The following MYO16 variants were observed in gnomAD, a reference collection of about 807,000 sequenced individuals.
MYO16 encodes unconventional myosin-XVI.
In MYO16, 94 loss-of-function variants were observed where a neutral mutation model predicts 205.3. The observed-to-expected ratio is 0.46, with a 90% CI of 0.39 to 0.54. The LOEUF (loss-of-function observed/expected upper bound fraction) is 0.54, where lower values mean the gene tolerates loss of function less well. Among genes scored for constraint, MYO16 ranks in the 20% least tolerant of loss-of-function variants. The pLI is 0.00. For synonymous variants in MYO16, 988 were observed against 954.0 expected (o/e 1.04, Z -0.66); for missense variants, 2,315 against 2,387.5 (o/e 0.97, Z 0.63).
chr13:109,022,638 T>TTATATATAC (rs1566466557), intron 23 of MYO16, among the ~76,000 whole-genome samples: 1 of 127,608 alleles, frequency 7.8e-6, no homozygotes, highest in African/African-American at 3.0e-5. Flanking sequence ...ATTATATATA[T>TTATATATAC]GCATATAAAC....
chr13:108,592,966 A>G (rs1007998987), upstream of MYO16, among the ~76,000 whole-genome samples: 4 of 152,136 alleles, frequency 2.6e-5, no homozygotes, highest in African/African-American at 9.7e-5. Flanking sequence ...CTTCCTTCCA[A>G]ATAAAATTCC....
chr13:108,890,970 A>C (rs1880142365), intron 14 of MYO16, among the ~76,000 whole-genome samples: 1 of 152,132 alleles, frequency 6.6e-6, no homozygotes, highest in African/African-American at 2.4e-5. Flanking sequence ...TCACTCCACA[A>C]GCATCTATTA....
At chr13:108,772,552 A>G (rs1466201391) in intron 4 of MYO16, among the ~76,000 whole-genome samples, 2 of 152,128 alleles carry the variant, frequency 1.3e-5, no homozygotes, top group Non-Finnish European at 2.9e-5. Flanking sequence ...AAAGGACCTC[A>G]AATGCAATGG....
chr13:109,140,463 G>T lies in MYO16; in HGVS notation c.4251G>T (p.Ala1417=). Residue 1417 remains alanine (A), a synonymous_variant, in exon 32 of 35, where the codon GCG becomes GCT. Transcript: ENST00000457511. The surrounding 1 kb of genome is among the most constrained non-coding windows in gnomAD (Gnocchi z 8.0). ...TGACCCCCGGGACTCCGCAGTGCGC[G>T]CTGCCCCCGGCGGCGCCTCCGGGTG... ...RVLTPGTPQC[A]LPPAAPPGDE... 1.6e-5 allele frequency: 25 copies of T among 1,536,622 alleles called. No individual in the cohort carries two copies. The highest frequency in any genetic ancestry group is 2.8e-5 in the African/African-American group (2 of 70,802).
intron 16 of MYO16, among the ~76,000 whole-genome samples, chr13:108,954,975 G>A (rs568634126): frequency 2.0e-5 from 3 of 152,232 alleles, no homozygotes; most frequent in Non-Finnish European, 1.5e-5. Context: ...GGCATCCTGC[G>A]GCATCAGCTG....
At chr13:109,014,843 T>A (rs976645636) in intron 22 of MYO16, among the ~76,000 whole-genome samples, 1 of 152,248 alleles carries the variant, frequency 6.6e-6, no homozygotes, top group Non-Finnish European at 1.5e-5. Flanking sequence ...AAATTGCTTA[T>A]CAGCTTAAGG....
chr13:108,636,184 G>A (rs530726754), intron 1 of MYO16, among the ~76,000 whole-genome samples: 8 of 152,000 alleles, frequency 5.3e-5, no homozygotes, highest in Admixed American at 3.9e-4. Flanking sequence ...TTAGTTTAAG[G>A]TTACACTGTA....
chr13:109,025,681 A>G (rs1003221770), intron 23 of MYO16, among the ~76,000 whole-genome samples: 1 of 152,218 alleles, frequency 6.6e-6, no homozygotes, highest in African/African-American at 2.4e-5. Flanking sequence ...GGCTATTAAA[A>G]TTAAGAATCT....
chr13:108,583,424 C>T, the MYO16 span, among the ~76,000 whole-genome samples: 2 of 152,116 alleles, frequency 1.3e-5, no homozygotes, highest in African/African-American at 4.8e-5. Context: ...TTCCCTCATA[C>T]GTGATTCTAA....
intron 33 of MYO16, among the ~76,000 whole-genome samples, chr13:109,172,984 G>C (rs565478275): frequency 1.3e-5 from 2 of 152,300 alleles, no homozygotes; most frequent in South Asian, 4.1e-4. Context: ...GGTATTCAGG[G>C]CAAAGACAGA....
At chr13:108,545,865 C>T in the MYO16 span, among the ~76,000 whole-genome samples, 1 of 152,134 alleles carries the variant, frequency 6.6e-6, no homozygotes, top group Admixed American at 6.5e-5. Context: ...TTACTGTGTG[C>T]TTGGACAACC....
rs750982673 is a variant in MYO16 at position 109,140,422 on chromosome 13, G to T, written c.4210G>T (p.Ala1404Ser). The T allele has an allele frequency of 2.6e-6, 4 of 1,567,740 alleles. No individual in the cohort carries two copies. The Admixed American group carries it at 5.5e-5, about 22-fold the overall frequency. ...GDARPAGAPG[A>S]AARVLTPGTP... ...CGCGAGGCCCGCGGGCGCCCCGGGG[G>T]CAGCAGCGCGCGTTCTGACCCCCGG... The change falls in exon 32 of 35, where the codon GCA becomes TCA. Residue 1404 changes from alanine (A) to serine (S), a missense_variant. Physicochemically the swap from Ala to Ser is moderately conservative, Grantham distance 99. Transcript: ENST00000457511. This position sits in a 1 kb window ranked among gnomAD's most constrained non-coding sequence, Gnocchi z 8.0.
chr13:109,010,170 G>T (rs1842540495), intron 22 of MYO16, among the ~76,000 whole-genome samples: 1 of 152,180 alleles, frequency 6.6e-6, no homozygotes, highest in Non-Finnish European at 1.5e-5. Context: ...ATTTGATGAA[G>T]GTGAAACTAT....
intron 10 of MYO16, among the ~76,000 whole-genome samples, chr13:108,845,181 A>T (rs1203692252): frequency 6.6e-6 from 1 of 152,204 alleles, no homozygotes; most frequent in East Asian, 1.9e-4. Flanking sequence ...TATTTTAGCC[A>T]GGTTTTCTAA....
chr13:108,678,412 C>T lies in MYO16; in HGVS notation c.292+12263C>T, dbSNP rs143464536. On this transcript the variant is annotated intron_variant, in intron 2 of 34. Coordinates refer to ENST00000457511, the MANE Select transcript of MYO16 (RefSeq NM_001198950.3). ...TTCCCAAAGTAGAAAGAAAAGAAAA[C>T]CAAACCACCTCCCCTTCATTTCAGT... 2.2e-3 allele frequency among the ~76,000 whole-genome samples: 342 copies of T among 152,162 alleles called. 1 individual carries two copies. Among genetic ancestry groups the T allele is most frequent in the African/African-American group, 7.7e-3 (318 of 41,504 alleles).
chr13:108,517,225 T>C, the MYO16 span, among the ~76,000 whole-genome samples: 1 of 152,200 alleles, frequency 6.6e-6, no homozygotes, highest in South Asian at 2.1e-4. Context: ...CCACTGCGCC[T>C]GGCTGCGTGT....
the MYO16 span, among the ~76,000 whole-genome samples, chr13:108,498,092 G>T: frequency 6.6e-6 from 1 of 152,176 alleles, no homozygotes; most frequent in Non-Finnish European, 1.5e-5. Flanking sequence ...AAGAGATACG[G>T]CATTGGAACT....
Position 108,866,142 on chromosome 13 carries a change from T to A in MYO16, c.1360-35T>A, listed in dbSNP as rs746583700. On this transcript the variant is annotated intron_variant, in intron 11 of 34. Transcript: ENST00000457511. ...TTATTGTTTAAAGATGCTATTTATA[T>A]GACTCATGAACTGTTTGCATCCCTT... is the stretch of plus-strand genomic sequence containing the variant. 4.3e-6 allele frequency: 6 copies of A among 1,387,552 alleles called. No individual in the cohort carries two copies. In the Admixed American group the frequency reaches 1.2e-4, roughly 28 times the overall value. 86.0% of individuals were successfully genotyped at this position (1,387,552 alleles called of 1,614,324 possible).
At chr13:108,646,784 C>T (rs886329395) in intron 1 of MYO16, among the ~76,000 whole-genome samples, 2 of 151,896 alleles carry the variant, frequency 1.3e-5, no homozygotes, top group Admixed American at 6.6e-5. Flanking sequence ...AAATGCACCC[C>T]TTTGAAAATC....
Sources: allele counts gnomAD v4.1 joint callset (sites outside exome capture counted in the v4.1 genomes callset), GRCh38; gene constraint gnomAD v4.1.1; non-coding constraint Gnocchi (gnomAD v3.1); transcripts MANE v1.5; gene names NCBI Gene and HGNC (gene_info 2026-07-23, HGNC 2026-07-21).